CIT: variants seen among roughly 807,000 people sequenced by gnomAD.
The protein encoded by CIT is citron rho-interacting serine/threonine kinase.
In CIT, 79 loss-of-function variants were observed where a neutral mutation model predicts 272.7. The observed-to-expected ratio is 0.29, with a 90% CI of 0.24 to 0.35. The LOEUF (loss-of-function observed/expected upper bound fraction) is 0.35. CIT is among the 10% of genes least tolerant of loss of function. The pLI is 1.00. For synonymous variants in CIT, 948 were observed against 995.6 expected, an observed-to-expected ratio of 0.95 and a Z score of 0.90; for missense variants, 1,909 against 2,618.3, an observed-to-expected ratio of 0.73 and a Z score of 5.91.
At chr12:119,731,551 T>C (rs549533316) in intron 26 of CIT, among the ~76,000 whole-genome samples, 2 of 149,486 alleles carry the variant, frequency 1.3e-5, no homozygotes, top group South Asian at 2.1e-4. Context: ...TGCTAAAGAA[T>C]AGAAAAACCA....
Position 119,712,066 on chromosome 12 carries a change from A to G in CIT, c.4854+112T>C. On this transcript the variant is annotated intron_variant, in intron 37 of 47. Coordinates refer to ENST00000392521, the MANE Select transcript of CIT (RefSeq NM_001206999.2). The surrounding 1 kb of genome is among the most constrained non-coding windows in gnomAD (Gnocchi z 5.2). ...ACAGTCTAGAGCCATCAGCCCTCAGAGAGAGAGCCTGAGGGGAATCAAAAT... is the reference window on the plus strand; with the variant it reads ...ACAGTCTAGAGCCATCAGCCCTCAGGGAGAGAGCCTGAGGGGAATCAAAAT... The G allele has an allele frequency of 9.5e-7, 1 of 1,053,112 alleles. No homozygotes were observed. The highest frequency in any genetic ancestry group is 1.4e-6 in the Non-Finnish European group (1 of 721,530). 65.2% of individuals were successfully genotyped at this position (1,053,112 alleles called of 1,614,324 possible). A position where few individuals can be genotyped will look rare whatever the true frequency, so the allele number is the denominator to read the frequency against.
chr12:119,832,955 G>T (rs1383495027), intron 6 of CIT, 91 bp from the exon 7 acceptor site: 4 of 911,070 alleles, frequency 4.4e-6, no homozygotes, highest in Non-Finnish European at 7.2e-6. Flanking sequence ...AAAAATCTTT[G>T]TTTATGTATT....
intron 24 of CIT, among the ~76,000 whole-genome samples, chr12:119,739,009 C>G (rs745326248): frequency 6.6e-6 from 1 of 152,038 alleles, no homozygotes; most frequent in Admixed American, 6.6e-5. Flanking sequence ...CCTCTCACAC[C>G]TAACTGGAAG....
Position 119,804,458 on chromosome 12 carries a change from C to T in CIT, c.1112-1069G>A, listed in dbSNP as rs2269939. On this transcript the variant is annotated intron_variant, in intron 9 of 47. Transcript: ENST00000392521. This position sits in a 1 kb window ranked among gnomAD's most constrained non-coding sequence, Gnocchi z 5.3. ...TCTGGCTGGAACCCCACCTGGCTGCCGCCTGCCTGCCAGGGGCCAGTGCTG... is the reference window on the plus strand; with the variant it reads ...TCTGGCTGGAACCCCACCTGGCTGCTGCCTGCCTGCCAGGGGCCAGTGCTG... 167,297 of 985,758 alleles carry T rather than the reference C, an allele frequency of 0.17. 14,792 individuals carry two copies. The highest frequency in any genetic ancestry group is 0.46 in the East Asian group (4,078 of 8,808). The allele number at this position is 985,758 out of a possible 1,614,324, so 61.1% of individuals were successfully genotyped here.
intron 7 of CIT, among the ~76,000 whole-genome samples, chr12:119,830,246 G>A: frequency 6.6e-6 from 1 of 151,494 alleles, no homozygotes; most frequent in South Asian, 2.1e-4. Flanking sequence ...TCAAGTGTGT[G>A]GTATAGAGTG....
chr12:119,838,632 G>C (rs1367019322), intron 5 of CIT, among the ~76,000 whole-genome samples: 3 of 152,170 alleles, frequency 2.0e-5, no homozygotes, highest in Non-Finnish European at 4.4e-5. Context: ...TGAATTGAAA[G>C]TTTCCATAGC....
Position 119,869,085 on chromosome 12 carries a change from C to T in CIT, c.213G>A (p.Lys71=). 3 of 1,612,272 alleles carry T rather than the reference C, an allele frequency of 1.9e-6. No individual in the cohort carries two copies. The highest frequency in any genetic ancestry group is 2.2e-5 in the South Asian group (2 of 90,632). The change falls in exon 3 of 48, where the codon AAG becomes AAA. Residue 71 remains lysine (K), a synonymous_variant. Coordinates refer to ENST00000392521, the MANE Select transcript of CIT (RefSeq NM_001206999.2). ...ECSQPALMKI[K]HVSNFVRKYS... is the part of the protein sequence containing the mutation. The stretch of plus-strand genomic sequence containing the variant: ...ACTTCCGGACAAAGTTGCTCACGTG[C>T]TTAATCTTCATCAGAGCAGGCTGAC...
Position 119,822,911 on chromosome 12 carries a change from G to T in CIT, c.1020C>A (p.Ser340Arg). The T allele has an allele frequency of 6.2e-7, 1 of 1,614,038 alleles. No individual in the cohort carries two copies. Among genetic ancestry groups the T allele is most frequent in the Non-Finnish European group, 8.5e-7 (1 of 1,179,990 alleles). The change falls in exon 9 of 48, where the codon AGC becomes AGA. Residue 340 changes from serine (S) to arginine (R), a missense_variant. Physicochemically the swap from Ser to Arg is moderately radical, Grantham distance 110 (BLOSUM62 -1). This residue lies in a region of CIT where 529 missense variants were observed against 549.6 expected (regional missense o/e 0.96). Coordinates refer to ENST00000392521, the MANE Select transcript of CIT (RefSeq NM_001206999.2). ...VSSDFLDLIQSLLCGQKERLK... is the reference protein window; with the variant it reads ...VSSDFLDLIQRLLCGQKERLK... ...GTCTCTCTTTCTGGCCGCACAACAA[G>T]CTTTGAATCAGATCAAGAAAGTCAC...
Position 119,787,565 on chromosome 12 carries a change from A to G in CIT, c.1296-2500T>C, listed in dbSNP as rs185954013. Among the ~76,000 whole-genome samples, 584 of 151,662 alleles carry G rather than the reference A, an allele frequency of 3.9e-3. 4 individuals are homozygous for G. Among genetic ancestry groups the G allele is most frequent in the Non-Finnish European group, 4.7e-3 (318 of 67,870 alleles). The stretch of plus-strand genomic sequence containing the variant: ...GCTAACACGGTGAAACCTCGTCTCT[A>G]CTAAAAATACAAAAAATTAGCCAGG... On this transcript the variant is annotated intron_variant, in intron 10 of 47. Coordinates refer to ENST00000392521, the MANE Select transcript of CIT (RefSeq NM_001206999.2).
At chr12:119,824,396 T>C (rs1967997463) in intron 8 of CIT, among the ~76,000 whole-genome samples, 1 of 152,056 alleles carries the variant, frequency 6.6e-6, no homozygotes. Flanking sequence ...CTAAACTATA[T>C]CTCCTCAATT....
At chr12:119,831,824 C>A (rs1025087381) in intron 7 of CIT, among the ~76,000 whole-genome samples, 2 of 151,956 alleles carry the variant, frequency 1.3e-5, no homozygotes, top group African/African-American at 4.8e-5. Flanking sequence ...GAGCCGAGAT[C>A]GCGCCACTGC....
chr12:119,782,416 C>G, intron 13 of CIT, 102 bp downstream of exon 13: 3 of 1,380,580 alleles, frequency 2.2e-6, no homozygotes, highest in Non-Finnish European at 1.0e-6. Context: ...CACCCTTTCT[C>G]TCTCTCCCTT....
In CIT at chr12:119,788,805, A is replaced by G. The variant is rs1215724541; in HGVS notation, c.1296-3740T>C. Among the ~76,000 whole-genome samples the G allele has an allele frequency of 2.0e-5, 3 of 152,226 alleles. No homozygotes were observed. In the East Asian group the frequency reaches 5.8e-4, roughly 29 times the overall value. On this transcript the variant is annotated intron_variant, in intron 10 of 47. Transcript: ENST00000392521. ...CGAGGTCCAACCCCTTCATTCTGCT[A>G]TTCTATGTTTGACAAATGCTCACTG... is the stretch of plus-strand genomic sequence containing the variant.
At chr12:119,871,744 C>A (rs1355990744) in intron 2 of CIT, among the ~76,000 whole-genome samples, 1 of 152,076 alleles carries the variant, frequency 6.6e-6, no homozygotes, top group African/African-American at 2.4e-5. Flanking sequence ...GTAGTCCTAG[C>A]CACTTGTGAG....
In CIT at chr12:119,768,014, C is replaced by T. The variant is rs1166460040; in HGVS notation, c.2209-832G>A. On this transcript the variant is annotated intron_variant, in intron 18 of 47. Transcript: ENST00000392521. This position sits in a 1 kb window ranked among gnomAD's most constrained non-coding sequence, Gnocchi z 4.3. Reference sequence around the variant, plus strand: ...GCAACTTTCACCTCCCAGGTTCAAGCAATTCTCATGTCTCAGTCTCCCAAG... The same window carrying T: ...GCAACTTTCACCTCCCAGGTTCAAGTAATTCTCATGTCTCAGTCTCCCAAG... Among the ~76,000 whole-genome samples the T allele has an allele frequency of 6.6e-6, 1 of 151,528 alleles. No homozygotes were observed. Among genetic ancestry groups the T allele is most frequent in the Non-Finnish European group, 1.5e-5 (1 of 67,980 alleles).
chr12:119,825,390 G>C (rs752169905), intron 7 of CIT, 22 bp from the exon 8 acceptor site: 1 of 1,605,750 alleles, frequency 6.2e-7, no homozygotes, highest in Admixed American at 1.7e-5. Context: ...TCAATAAAAC[G>C]AATACAGCAA....
chr12:119,695,333 A>G (rs924099818), intron 46 of CIT, among the ~76,000 whole-genome samples: 3 of 151,984 alleles, frequency 2.0e-5, no homozygotes, highest in African/African-American at 7.2e-5. Context: ...ATCCCCAGAA[A>G]ACTGTTGCTA....
At chr12:119,818,684 A>G (rs942577019) in intron 9 of CIT, among the ~76,000 whole-genome samples, 8 of 152,214 alleles carry the variant, frequency 5.3e-5, no homozygotes, top group Non-Finnish European at 8.8e-5. Context: ...ATAGCAAAAG[A>G]AAGACAACTC....
chr12:119,740,486 C>T (rs1232556640), intron 24 of CIT, among the ~76,000 whole-genome samples: 1 of 152,064 alleles, frequency 6.6e-6, no homozygotes, highest in East Asian at 1.9e-4. Context: ...GTTACACACA[C>T]ATTTTAAAAC....
Sources: gnomAD v4.1 joint callset for allele counts (sites outside exome capture counted in the v4.1 genomes callset) on GRCh38, gnomAD v4.1.1 for gene constraint, gnomAD v4.1.1 regional missense constraint, Gnocchi (gnomAD v3.1) non-coding constraint, MANE v1.5 for transcripts, NCBI Gene and HGNC (gene_info 2026-07-23, HGNC 2026-07-21) for gene names.